CHN1: variants seen among roughly 807,000 people sequenced by gnomAD.
CHN1 encodes the protein chimerin 1, also known as N-chimaerin.
Under a neutral mutation model 59.5 loss-of-function variants are expected in CHN1, and 37 were observed. The observed-to-expected ratio is 0.62, with a 90% CI of 0.48 to 0.82. CHN1 has a LOEUF of 0.82. CHN1 is among the 40% of genes least tolerant of loss of function. CHN1 has a pLI of 0.00. For synonymous variants in CHN1, 206 were observed against 200.4 expected, an observed-to-expected ratio of 1.03 and a Z score of -0.24; for missense variants, 469 against 571.0, an observed-to-expected ratio of 0.82 and a Z score of 1.82.
At chr2:174,929,915 T>C (rs993250399) in intron 3 of CHN1, among the ~76,000 whole-genome samples, 6 of 152,262 alleles carry the variant, frequency 3.9e-5, no homozygotes, top group Non-Finnish European at 8.8e-5. Context: ...TACTACTTGT[T>C]TGTGAACTCT....
intron 9 of CHN1, 53 bp downstream of exon 9, chr2:174,812,256 T>C (rs1192055829): frequency 6.7e-7 from 1 of 1,493,394 alleles, no homozygotes; most frequent in East Asian, 2.3e-5. Context: ...GGCATCAGGA[T>C]TGGTACTGGT....
chr2:174,899,316 G>A (rs1279224452), intron 5 of CHN1, among the ~76,000 whole-genome samples: 1 of 152,146 alleles, frequency 6.6e-6, no homozygotes, highest in African/African-American at 2.4e-5. Context: ...AACAACAAAA[G>A]CAAAGTGAAA....
chr2:174,824,352 T>C, intron 8 of CHN1, 82 bp downstream of exon 8: 5 of 1,024,816 alleles, frequency 4.9e-6, no homozygotes, highest in Non-Finnish European at 7.1e-6. Flanking sequence ...CTACTGGATA[T>C]GCATAACAAC....
intron 6 of CHN1, among the ~76,000 whole-genome samples, chr2:174,872,656 T>C (rs1474444839): frequency 6.6e-6 from 1 of 152,202 alleles, no homozygotes; most frequent in African/African-American, 2.4e-5. Flanking sequence ...ACTGCTTTCT[T>C]CATAAAGCAA....
chr2:174,820,858 G>A (rs1685465701), intron 8 of CHN1, among the ~76,000 whole-genome samples: 1 of 152,020 alleles, frequency 6.6e-6, no homozygotes, highest in African/African-American at 2.4e-5. Context: ...CTGTGGCGAG[G>A]GACACAAAAT....
At chr2:174,840,426 A>G (rs1296084530) in intron 7 of CHN1, among the ~76,000 whole-genome samples, 1 of 152,102 alleles carries the variant, frequency 6.6e-6, no homozygotes, top group Non-Finnish European at 1.5e-5. Context: ...TTGGCCTCCC[A>G]AAGTGTAGGG....
intron 1 of CHN1, 92 bp downstream of exon 1, chr2:175,004,802 C>G: frequency 1.4e-6 from 1 of 733,306 alleles, no homozygotes; most frequent in Non-Finnish European, 1.7e-6. Context: ...GCGCCGCGCC[C>G]CCTCCCCGGG....
chr2:174,989,390 A>G (rs1470414567), intron 1 of CHN1, among the ~76,000 whole-genome samples: 1 of 152,140 alleles, frequency 6.6e-6, no homozygotes, highest in Non-Finnish European at 1.5e-5. Flanking sequence ...AAAAGAAAAA[A>G]AAGATAAATA....
At chr2:174,806,868 A>C (rs75316573) in intron 11 of CHN1, among the ~76,000 whole-genome samples, 3,314 of 152,280 alleles carry the variant, frequency 0.022, 118 homozygotes, top group African/African-American at 0.075. Flanking sequence ...TATTCCACAA[A>C]CAAGATATCG....
intron 2 of CHN1, among the ~76,000 whole-genome samples, chr2:174,945,976 A>G (rs924210537): frequency 6.6e-6 from 1 of 150,998 alleles, no homozygotes; most frequent in Non-Finnish European, 1.5e-5. Flanking sequence ...ATCTCTCTCT[A>G]CACACACACA....
At chr2:174,814,650 CTG>C (rs1189118141) in intron 8 of CHN1, among the ~76,000 whole-genome samples, 2 of 152,178 alleles carry the variant, frequency 1.3e-5, no homozygotes, top group African/African-American at 2.4e-5. Context: ...ATGTAGTAAA[CTG>C]TGTTCACCAT....
chr2:174,986,100 T>C (rs961036497), intron 1 of CHN1, among the ~76,000 whole-genome samples: 1 of 152,152 alleles, frequency 6.6e-6, no homozygotes, highest in Non-Finnish European at 1.5e-5. Flanking sequence ...GTGAAATATT[T>C]ATAGCCAAAC....
intron 8 of CHN1, among the ~76,000 whole-genome samples, chr2:174,822,216 T>C (rs960123348): frequency 6.6e-6 from 1 of 152,212 alleles, no homozygotes; most frequent in Admixed American, 6.5e-5. Context: ...ATAATGCTTT[T>C]AAGGACAAGA....
At chr2:174,972,255 C>A (rs772717994) in intron 1 of CHN1, among the ~76,000 whole-genome samples, 1 of 152,154 alleles carries the variant, frequency 6.6e-6, no homozygotes, top group Non-Finnish European at 1.5e-5. Flanking sequence ...TGTCATCTCA[C>A]TCAAACCATC....
At chr2:174,961,307 C>A (rs1690398827) in intron 1 of CHN1, among the ~76,000 whole-genome samples, 1 of 152,138 alleles carries the variant, frequency 6.6e-6, no homozygotes, top group South Asian at 2.1e-4. Flanking sequence ...AATTAGCCAG[C>A]TGGGTGTGGT....
chr2:174,979,040 T>C (rs866947575), intron 1 of CHN1, among the ~76,000 whole-genome samples: 52 of 152,220 alleles, frequency 3.4e-4, no homozygotes, highest in African/African-American at 1.2e-3. Flanking sequence ...TATTTGAGAA[T>C]TCCATAGTTT....
In CHN1 at chr2:174,846,333, CAA is replaced by C. The variant is rs1482874113; in HGVS notation, c.627+545_627+546del. 9.0e-6 allele frequency: 14 copies of C among 1,549,126 alleles called. No individual in the cohort carries two copies. The Admixed American group carries it at 2.4e-4, about 26-fold the overall frequency. ...CGCATACATGGTGAAAGCAAATACTCAAAAAGTGAGGAGAAGCTGCTAGTGTC... is the reference window on the plus strand; with the variant it reads ...CGCATACATGGTGAAAGCAAATACTCAAAGTGAGGAGAAGCTGCTAGTGTC... On this transcript the variant is annotated intron_variant, in intron 7 of 12. Coordinates refer to ENST00000409900, the MANE Select transcript of CHN1 (RefSeq NM_001822.7).
At chr2:174,804,931 A>T (rs191885466) in intron 11 of CHN1, among the ~76,000 whole-genome samples, 3 of 152,374 alleles carry the variant, frequency 2.0e-5, no homozygotes, top group Admixed American at 2.0e-4. Flanking sequence ...ACTGAGATCA[A>T]ATTGGCAGAC....
intron 5 of CHN1, among the ~76,000 whole-genome samples, chr2:174,878,366 AT>A (rs1340831392): frequency 6.6e-6 from 1 of 152,224 alleles, no homozygotes; most frequent in Admixed American, 6.5e-5. Context: ...TACCATAGAA[AT>A]AATTTTTTTT....
Sources: allele counts gnomAD v4.1 joint callset (sites outside exome capture counted in the v4.1 genomes callset), GRCh38; gene constraint gnomAD v4.1.1; transcripts MANE v1.5; gene names NCBI Gene and HGNC (gene_info 2026-07-23, HGNC 2026-07-21).